The following PPP1R3E variants were observed in gnomAD, a reference collection of about 807,000 sequenced individuals.
PPP1R3E encodes protein phosphatase 1 regulatory subunit 3E.
Under a neutral mutation model 18.5 loss-of-function variants are expected in PPP1R3E, and 20 were observed. The observed-to-expected ratio is 1.08, with a 90% CI of 0.76 to 1.58. The LOEUF (loss-of-function observed/expected upper bound fraction) is 1.58, where lower values mean the gene tolerates loss of function less well. PPP1R3E is among the 40% of genes most tolerant of loss of function. The probability of loss-of-function intolerance (pLI) is 0.00; values close to 1 mark genes in which losing one functional copy is unlikely to be tolerated. For missense variants in PPP1R3E, 498 were observed against 460.2 expected (o/e 1.08, Z -0.75); for synonymous variants, 208 against 208.1 (o/e 1.00, Z 0.00).
rs1238358909 is a variant in PPP1R3E at position 23,301,835 on chromosome 14, C to G, written c.441G>C (p.Pro147=). The change falls in exon 2 of 5, where the codon CCG becomes CCC. Residue 147 remains proline, a synonymous_variant. Coordinates refer to ENST00000452015, the MANE Select transcript of PPP1R3E (RefSeq NM_001276318.2). ...GGGCGGCGAAGCCGGGCTCGCTGGC[C>G]GGCTCCAGGGCGGCGCGCGCCTCCT... ...GLQEARAALE[P]ASEPGFAARL... The G allele has an allele frequency of 6.8e-6, 10 of 1,468,774 alleles. No homozygotes were observed. Among genetic ancestry groups the G allele is most frequent in the Admixed American group, 2.5e-5 (1 of 40,300 alleles). 91.0% of individuals were successfully genotyped at this position (1,468,774 alleles called of 1,614,324 possible).
At position 23,301,723 on chromosome 14, in the gene PPP1R3E, AGGCCAGGTCCACCACGCGCGCGCTCCC is replaced by A. The variant is rs1339711114; in HGVS notation, c.526_552del (p.Gly176_Ala184del). 2.8e-6 allele frequency: 4 copies of A among 1,406,148 alleles called. No individual in the cohort carries two copies. The highest frequency in any genetic ancestry group is 3.7e-6 in the Non-Finnish European group (4 of 1,082,030). The allele number at this position is 1,406,148 out of a possible 1,614,324, so 87.1% of individuals were successfully genotyped here. On this transcript the variant is annotated inframe_deletion, in exon 2 of 5. Coordinates refer to ENST00000452015, the MANE Select transcript of PPP1R3E (RefSeq NM_001276318.2). ...CAGCGCACGCTCACGCGCTTCTCGT[AGGCCAGGTCCACCACGCGCGCGCTCCC>A]GGCCACGCCCAGCGGGCCCGCCTCG...
chr14:23,302,116 G>A (rs1027790887), intron 1 of PPP1R3E, 44 bp downstream of exon 1: 9 of 1,388,090 alleles, frequency 6.5e-6, no homozygotes, highest in Admixed American at 7.0e-5. Context: ...CGCTGCGGCC[G>A]ACTGGAGGAG....
rs781779716 is a variant in PPP1R3E, at chr14:23,302,616, C to A, written c.-40G>T. Reference sequence around the variant, plus strand: ...CGGCGGGGCCAGCTCGCAGCGCCACCGCGCTCCCCTCTCTTCCTCTCTCCC... The same window carrying A: ...CGGCGGGGCCAGCTCGCAGCGCCACAGCGCTCCCCTCTCTTCCTCTCTCCC... On this transcript the variant is annotated 5_prime_UTR_variant, in exon 1 of 5. Transcript: ENST00000452015. 3 of 1,398,778 alleles carry A rather than the reference C, an allele frequency of 2.1e-6. No homozygotes were observed. The African/African-American group carries it at 4.6e-5, about 21-fold the overall frequency. 86.6% of individuals were successfully genotyped at this position (1,398,778 alleles called of 1,614,324 possible).
rs1419344334 is a variant in PPP1R3E, at chr14:23,298,214, T to C, written c.*1090A>G. On this transcript the variant is annotated 3_prime_UTR_variant, in exon 5 of 5. Transcript: ENST00000452015. ...GATGAAGCTCGGGGGCCCCCTGTCT[T>C]CTCCAAGCCAGTCCAGGAGATTGGC... 6.6e-6 allele frequency: 1 copy of C among 152,148 alleles called. No homozygotes were observed. The highest frequency in any genetic ancestry group is 1.9e-4 in the East Asian group (1 of 5,202). 9.4% of individuals were successfully genotyped at this position (152,148 alleles called of 1,614,324 possible). A position where few individuals can be genotyped will look rare whatever the true frequency, so the allele number is the denominator to read the frequency against.
rs1472368375 is a variant in PPP1R3E, at chr14:23,298,360, C to A, written c.*944G>T. The A allele has an allele frequency of 6.6e-6, 1 of 152,302 alleles. No homozygotes were observed. The highest frequency in any genetic ancestry group is 1.5e-5 in the Non-Finnish European group (1 of 68,180). 9.4% of individuals were successfully genotyped at this position (152,302 alleles called of 1,614,324 possible). A position where few individuals can be genotyped will look rare whatever the true frequency, so the allele number is the denominator to read the frequency against. Reference sequence around the variant, plus strand: ...ATATAACATCATGGTTACACAGAGGCTCTGGAGATTCCCTGGGTTCACAAT... The same window carrying A: ...ATATAACATCATGGTTACACAGAGGATCTGGAGATTCCCTGGGTTCACAAT... On this transcript the variant is annotated 3_prime_UTR_variant, in exon 5 of 5. Transcript: ENST00000452015.
rs1886950700 is a variant in PPP1R3E at position 23,298,978 on chromosome 14, A to AT, written c.*387-62dup. On this transcript the variant is annotated intron_variant, in intron 4 of 4. Coordinates refer to ENST00000452015, the MANE Select transcript of PPP1R3E (RefSeq NM_001276318.2). The stretch of plus-strand genomic sequence containing the variant: ...GCCTCATACTCTATTCTTTTTTTTT[A>AT]TTTTTTGAGACGGAGTCTCACTCTG... 2.6e-5 allele frequency: 4 copies of AT among 153,668 alleles called. No individual in the cohort carries two copies. In the Middle Eastern group the frequency reaches 2.1e-3, roughly 80 times the overall value. 9.5% of individuals were successfully genotyped at this position (153,668 alleles called of 1,614,324 possible).
chr14:23,301,580 GC>G lies in PPP1R3E; in HGVS notation c.695del (p.Gly232AlafsTer11), dbSNP rs1887038406. On this transcript the variant is annotated frameshift_variant, in exon 2 of 5. Transcript: ENST00000452015. LOFTEE classifies it high-confidence loss of function. ...GGTAGCGCAAGGCGAAGAGCAGGGC[GC>G]CCCCAATCGGCGGCGCGGGCAGGCG... is the stretch of plus-strand genomic sequence containing the variant. The part of the protein sequence containing the change: ...AFRLPAPPIG[G>X]ALLFALRYRV... 3 of 1,450,384 alleles carry G rather than the reference GC, an allele frequency of 2.1e-6. No homozygotes were observed. The highest frequency in any genetic ancestry group is 2.4e-5 in the Admixed American group (1 of 41,574). 89.8% of individuals were successfully genotyped at this position (1,450,384 alleles called of 1,614,324 possible).
At position 23,301,283 on chromosome 14, in the gene PPP1R3E, C is replaced by T. The variant is rs1887026064; in HGVS notation, c.*138+15G>A. The T allele has an allele frequency of 2.5e-6, 1 of 401,140 alleles. No homozygotes were observed. The highest frequency in any genetic ancestry group is 2.2e-5 in the African/African-American group (1 of 45,674). The allele number at this position is 401,140 out of a possible 1,614,324, so 24.8% of individuals were successfully genotyped here. A position where few individuals can be genotyped will look rare whatever the true frequency, so the allele number is the denominator to read the frequency against. On this transcript the variant is annotated intron_variant, in intron 2 of 4. Transcript: ENST00000452015. ...CCCCCACGCCCCCACGCCCCCACGCCCCTGATTTCCCCACCCTTTTCGCCC... is the reference window on the plus strand; with the variant it reads ...CCCCCACGCCCCCACGCCCCCACGCTCCTGATTTCCCCACCCTTTTCGCCC...
At position 23,301,742 on chromosome 14, in the gene PPP1R3E, C is replaced by G; in HGVS notation, c.534G>C (p.Ala178=). ...TCTCGTAGGCCAGGTCCACCACGCG[C>G]GCGCTCCCGGCCACGCCCAGCGGGC... The part of the protein sequence containing the change: ...EAGPLGVAGS[A]RVVDLAYEKR... The change falls in exon 2 of 5, where the codon GCG becomes GCC. Residue 178 remains alanine, a synonymous_variant. Transcript: ENST00000452015. 4 of 1,413,746 alleles carry G rather than the reference C, an allele frequency of 2.8e-6. No individual in the cohort carries two copies. Among genetic ancestry groups the G allele is most frequent in the Non-Finnish European group, 3.7e-6 (4 of 1,086,688 alleles). The allele number at this position is 1,413,746 out of a possible 1,614,324, so 87.6% of individuals were successfully genotyped here. A position where few individuals can be genotyped will look rare whatever the true frequency, so the allele number is the denominator to read the frequency against.
chr14:23,302,687 C>T lies in PPP1R3E; in HGVS notation c.-111G>A. On this transcript the variant is annotated 5_prime_UTR_variant, in exon 1 of 5. Transcript: ENST00000452015. ...GAAGTCGCTGGGTCCGCTTCTGCAG[C>T]CCCTCGCTGCTGTGTATTCTCCTTG... 2 of 1,124,368 alleles carry T rather than the reference C, an allele frequency of 1.8e-6. No homozygotes were observed. The highest frequency in any genetic ancestry group is 2.4e-6 in the Non-Finnish European group (2 of 840,776). 69.6% of individuals were successfully genotyped at this position (1,124,368 alleles called of 1,614,324 possible).
At position 23,299,927 on chromosome 14, in the gene PPP1R3E, G is replaced by GTTTTTTTTTTTT. The variant is rs3079707; in HGVS notation, c.*246-398_*246-387dup. On this transcript the variant is annotated intron_variant, in intron 3 of 4. Coordinates refer to ENST00000452015, the MANE Select transcript of PPP1R3E (RefSeq NM_001276318.2). The stretch of plus-strand genomic sequence containing the variant: ...GTTGCTTTGGTGTTTTTTTGTTTTT[G>GTTTTTTTTTTTT]TTTTTTTTTTTTTTTTTTTTTTACA... Among the ~76,000 whole-genome samples the GTTTTTTTTTTTT allele has an allele frequency of 2.5e-4, 25 of 100,782 alleles. 2 individuals carry two copies. The highest frequency in any genetic ancestry group is 7.4e-4 in the East Asian group (2 of 2,702). 66.1% of individuals were successfully genotyped at this position (100,782 alleles called of 152,430 possible). A position where few individuals can be genotyped will look rare whatever the true frequency, so the allele number is the denominator to read the frequency against.
Position 23,302,058 on chromosome 14 carries a change from G to A in PPP1R3E, c.417+102C>T, listed in dbSNP as rs998737962. On this transcript the variant is annotated intron_variant, in intron 1 of 4. Coordinates refer to ENST00000452015, the MANE Select transcript of PPP1R3E (RefSeq NM_001276318.2). Reference sequence around the variant, plus strand: ...AAGGGATGGGCAGGCGCAAGCCCAGGGATGGGATGGAGATGGGTGCTCTTT... The same window carrying A: ...AAGGGATGGGCAGGCGCAAGCCCAGAGATGGGATGGAGATGGGTGCTCTTT... The A allele has an allele frequency of 2.2e-5, 29 of 1,303,300 alleles. No homozygotes were observed. In the Middle Eastern group the frequency reaches 1.4e-3, roughly 62 times the overall value. The allele number at this position is 1,303,300 out of a possible 1,614,324, so 80.7% of individuals were successfully genotyped here.
At position 23,301,493 on chromosome 14, in the gene PPP1R3E, G is replaced by A; in HGVS notation, c.783C>T (p.Pro261=). The change falls in exon 2 of 5, where the codon CCC becomes CCT. Residue 261 remains proline, a synonymous_variant. Transcript: ENST00000452015. ...GAGCTCCGCCACTGCCCGGGTGCTC[G>A]GGCCCACGTAGAGCATAGTCACGGC... is the stretch of plus-strand genomic sequence containing the variant. ...NGGRDYALRG[P]EHPGSGGAPE... is the part of the protein sequence containing the mutation. 6.8e-7 allele frequency: 1 copy of A among 1,476,958 alleles called. No individual in the cohort carries two copies. Among genetic ancestry groups the A allele is most frequent in the Non-Finnish European group, 9.0e-7 (1 of 1,117,008 alleles). 91.5% of individuals were successfully genotyped at this position (1,476,958 alleles called of 1,614,324 possible).
In PPP1R3E at chr14:23,302,409, G is replaced by T; in HGVS notation, c.168C>A (p.His56Gln). The stretch of plus-strand genomic sequence containing the variant: ...GGGCCCGGCGGCCCCGACTCGGTGC[G>T]TGAGCGCGGGATCGGGCCCCGAACC... ...GTRFGARSRA[H>Q]APSRGRRARS... The change falls in exon 1 of 5, where the codon CAC becomes CAA. Residue 56 changes from histidine to glutamine, a missense_variant. Physicochemically the swap from His to Gln is conservative, Grantham distance 24 (BLOSUM62 0). Coordinates refer to ENST00000452015, the MANE Select transcript of PPP1R3E (RefSeq NM_001276318.2). 6.7e-7 allele frequency: 1 copy of T among 1,492,956 alleles called. No homozygotes were observed. Among genetic ancestry groups the T allele is most frequent in the South Asian group, 1.3e-5 (1 of 78,668 alleles). 92.5% of individuals were successfully genotyped at this position (1,492,956 alleles called of 1,614,324 possible). A position where few individuals can be genotyped will look rare whatever the true frequency, so the allele number is the denominator to read the frequency against.
Position 23,301,794 on chromosome 14 carries a change from C to G in PPP1R3E, c.482G>C (p.Arg161Pro). Residue 161 changes from arginine (R) to proline (P), a missense_variant, in exon 2 of 5, where the codon CGC (arginine) becomes CCC (proline). Coordinates refer to ENST00000452015, the MANE Select transcript of PPP1R3E (RefSeq NM_001276318.2). ...CGCCTCGGCGCGTTCCAGGCAGATG[C>G]GCTGCGTCAGCAAGCGGGCGGCGAA... The part of the protein sequence containing the change: ...PGFAARLLTQ[R>P]ICLERAEAGP... The G allele has an allele frequency of 6.8e-7, 1 of 1,471,192 alleles. No individual in the cohort carries two copies. Among genetic ancestry groups the G allele is most frequent in the Non-Finnish European group, 8.9e-7 (1 of 1,119,524 alleles). 91.1% of individuals were successfully genotyped at this position (1,471,192 alleles called of 1,614,324 possible). A position where few individuals can be genotyped will look rare whatever the true frequency, so the allele number is the denominator to read the frequency against.
chr14:23,302,825 T>G lies in PPP1R3E; in HGVS notation c.-249A>C. ...TCTTAGACTATCACATCCTGCCTCC[T>G]GCTAGCGGTCTGCTCTGAGCGTGCG... is the stretch of plus-strand genomic sequence containing the variant. On this transcript the variant is annotated 5_prime_UTR_variant, in exon 1 of 5. Transcript: ENST00000452015. The G allele has an allele frequency of 2.2e-6, 1 of 451,188 alleles. No homozygotes were observed. The highest frequency in any genetic ancestry group is 3.9e-6 in the Non-Finnish European group (1 of 256,578). The allele number at this position is 451,188 out of a possible 1,614,324, so 27.9% of individuals were successfully genotyped here.
intron 2 of PPP1R3E, 57 bp downstream of exon 2, chr14:23,301,241 T>G (rs1217052002): frequency 9.8e-6 from 4 of 407,208 alleles, no homozygotes; most frequent in African/African-American, 8.3e-5. Context: ...CTTCTTTGGT[T>G]CCGCTCACTC....
Position 23,301,531 on chromosome 14 carries a change from C to A in PPP1R3E, c.745G>T (p.Asp249Tyr), listed in dbSNP as rs1051914000. The A allele has an allele frequency of 1.3e-5, 19 of 1,500,798 alleles. No individual in the cohort carries two copies. The Middle Eastern group carries it at 7.5e-4, about 59-fold the overall frequency. 93.0% of individuals were successfully genotyped at this position (1,500,798 alleles called of 1,614,324 possible). The change falls in exon 2 of 5, where the codon GAC (aspartate) becomes TAC (tyrosine). Residue 249 changes from aspartate (D) to tyrosine (Y), a missense_variant. By Grantham distance (160) the Asp-to-Tyr change is radical. Coordinates refer to ENST00000452015, the MANE Select transcript of PPP1R3E (RefSeq NM_001276318.2). ...GCATAGTCACGGCCGCCGTTGTTGT[C>A]CCAGAACTCGTGACCTGTCACACGG... ...RYRVTGHEFW[D>Y]NNGGRDYALR...
intron 3 of PPP1R3E, among the ~76,000 whole-genome samples, chr14:23,299,921 G>GTTTTTTTTTTTTTTTT (rs1265464684): frequency 2.2e-5 from 1 of 44,480 alleles, no homozygotes; most frequent in Non-Finnish European, 4.8e-5. Flanking sequence ...GTGTTTTTTT[G>GTTTTTTTTTTTTTTTT]TTTTTGTTTT....
Sources: gnomAD v4.1 joint callset for allele counts (sites outside exome capture counted in the v4.1 genomes callset) on GRCh38, gnomAD v4.1.1 for gene constraint, MANE v1.5 for transcripts, NCBI Gene and HGNC (gene_info 2026-07-23, HGNC 2026-07-21) for gene names.